Variants in C1QTNF1 observed in about 807,000 individuals in gnomAD.
C1QTNF1 encodes C1q and TNF related 1.
C1QTNF1 carries 22 observed loss-of-function variants against 27.8 expected under a neutral mutation model. The ratio of observed to expected loss-of-function variants is 0.79; its 90% CI spans 0.56 to 1.13. The LOEUF is 1.13. Among genes scored for constraint, C1QTNF1 ranks in the 50% most tolerant of loss-of-function variants. C1QTNF1 has a pLI of 0.00. For synonymous variants in C1QTNF1, 166 were observed against 154.3 expected (o/e 1.08, Z -0.56); for missense variants, 373 against 380.2 (o/e 0.98, Z 0.16).
Position 79,040,617 on chromosome 17 carries a change from G to A in C1QTNF1, c.-14-3338G>A, listed in dbSNP as rs1350755653. Among the ~76,000 whole-genome samples the A allele has an allele frequency of 2.5e-4, 38 of 151,446 alleles. 1 individual carries two copies. The highest frequency in any genetic ancestry group is 1.1e-3 in the Admixed American group (16 of 15,228). The stretch of plus-strand genomic sequence containing the variant: ...CCTGCTCAAAAATCAGTCTTGGCCC[G>A]GCGTGGAGGATCACGCCTGTAATCC... On this transcript the variant is annotated intron_variant, in intron 1 of 3. Transcript: ENST00000579760.
chr17:79,034,123 T>C (rs891841613), intron 1 of C1QTNF1: 1 of 152,230 alleles, frequency 6.6e-6, no homozygotes, highest in African/African-American at 2.4e-5. Flanking sequence ...TTGTGCTGCT[T>C]GTAAAGGGCT....
rs200330872 is a variant in C1QTNF1, at chr17:79,047,566, C to T, written c.324C>T (p.Gly108=). 1.3e-6 allele frequency: 2 copies of T among 1,530,894 alleles called. No homozygotes were observed. Among genetic ancestry groups the T allele is most frequent in the East Asian group, 2.3e-5 (1 of 44,192 alleles). The allele number at this position is 1,530,894 out of a possible 1,614,324, so 94.8% of individuals were successfully genotyped here. ...KGEKGDRGDR[G]LQGKYGKTGS... is the part of the protein sequence containing the mutation. Reference sequence around the variant, plus strand: ...AGAAGGGTGACCGCGGAGATCGAGGCCTCCAAGGGAAATATGGCAAAACAG... The same window carrying T: ...AGAAGGGTGACCGCGGAGATCGAGGTCTCCAAGGGAAATATGGCAAAACAG... The change falls in exon 4 of 4, where the codon GGC becomes GGT. Residue 108 remains glycine (G), a synonymous_variant. Coordinates refer to ENST00000579760, the MANE Select transcript of C1QTNF1 (RefSeq NM_030968.5).
At chr17:79,036,016 C>T (rs778971904) in intron 1 of C1QTNF1, among the ~76,000 whole-genome samples, 5 of 152,078 alleles carry the variant, frequency 3.3e-5, no homozygotes, top group Admixed American at 1.3e-4. Context: ...AGGGTCTAAA[C>T]GCCTCTCAGA....
chr17:79,023,232 G>C (rs1012949457), upstream of C1QTNF1: 1 of 152,260 alleles, frequency 6.6e-6, no homozygotes, highest in African/African-American at 2.4e-5. Context: ...GCAGCTCGGA[G>C]AGAACAGGGC....
chr17:79,039,797 GTATA>G (rs397856558), intron 1 of C1QTNF1, among the ~76,000 whole-genome samples: 1 of 149,172 alleles, frequency 6.7e-6, no homozygotes. Context: ...GTGTGTGTGT[GTATA>G]TATATATATA....
intron 1 of C1QTNF1, among the ~76,000 whole-genome samples, chr17:79,027,084 G>A (rs79536842): frequency 4.0e-5 from 6 of 151,686 alleles, no homozygotes; most frequent in Admixed American, 2.0e-4. Flanking sequence ...TCCTGGGCGG[G>A]GGGGGGCTGT....
Position 79,047,931 on chromosome 17 carries a change from T to G in C1QTNF1, c.689T>G (p.Ile230Ser). 6.2e-7 allele frequency: 1 copy of G among 1,613,972 alleles called. No individual in the cohort carries two copies. Residue 230 changes from isoleucine to serine, a missense_variant, in exon 4 of 4, where the codon ATC (isoleucine) becomes AGC (serine). By Grantham distance (142) the Ile-to-Ser change is moderately radical. Transcript: ENST00000579760. ...TTCGCGCAGGTGGGCGACCGCAGCA[T>G]CATGCAAAGCCAGAGCCTGATGCTG... ...ILFAQVGDRS[I>S]MQSQSLMLEL...
intron 1 of C1QTNF1, 135 bp from the exon 2 acceptor site, chr17:79,043,820 C>A (rs765455805): frequency 3.3e-6 from 3 of 911,442 alleles, no homozygotes; most frequent in African/African-American, 3.3e-5. Context: ...TGTGTAACTG[C>A]AGCATTTCCC....
chr17:79,043,286 A>C (rs1244310116), intron 1 of C1QTNF1: 4 of 450,502 alleles, frequency 8.9e-6, no homozygotes, highest in Non-Finnish European at 1.8e-5. Flanking sequence ...GAGAGTGTGC[A>C]TGTGATTTGG....
Position 79,046,633 on chromosome 17 carries a change from C to G in C1QTNF1, c.234C>G (p.Asp78Glu), listed in dbSNP as rs773030872. Residue 78 changes from aspartate (D) to glutamate (E), a missense_variant, in exon 3 of 4, where the codon GAC becomes GAG. Physicochemically the swap from Asp to Glu is conservative, Grantham distance 45 (BLOSUM62 2). Transcript: ENST00000579760. This position sits in a 1 kb window ranked among gnomAD's most constrained non-coding sequence, Gnocchi z 4.8. ...LPASRCLRCC[D>E]PGTSMYPATA... Reference sequence around the variant, plus strand: ...CTTCCCGGTGCTTGCGCTGCTGTGACCCCGGTACCTCCATGTACCCGGCGA... The same window carrying G: ...CTTCCCGGTGCTTGCGCTGCTGTGAGCCCGGTACCTCCATGTACCCGGCGA... The G allele has an allele frequency of 1.2e-6, 2 of 1,614,238 alleles. No individual in the cohort carries two copies. Among genetic ancestry groups the G allele is most frequent in the South Asian group, 2.2e-5 (2 of 91,086 alleles).
intron 1 of C1QTNF1, among the ~76,000 whole-genome samples, chr17:79,043,101 T>C (rs1470125603): frequency 6.6e-6 from 1 of 151,458 alleles, no homozygotes; most frequent in African/African-American, 2.4e-5. Flanking sequence ...TGTGTGCATG[T>C]GTGCATGGAT....
Position 79,047,689 on chromosome 17 carries a change from G to T in C1QTNF1, c.447G>T (p.Ser149=), listed in dbSNP as rs747658949. The change falls in exon 4 of 4, where the codon TCG becomes TCT. Residue 149 remains serine, a synonymous_variant. Transcript: ENST00000579760. ...ERCKSHYAAF[S]VGRKKPMHSN... The stretch of plus-strand genomic sequence containing the variant: ...GCAAGAGCCACTACGCCGCCTTTTC[G>T]GTGGGCCGGAAGAAGCCCATGCACA... 33 of 1,613,956 alleles carry T rather than the reference G, an allele frequency of 2.0e-5. No homozygotes were observed. Among genetic ancestry groups the T allele is most frequent in the Non-Finnish European group, 2.6e-5 (31 of 1,179,992 alleles).
At chr17:79,047,238 CTTT>C (rs372840829) in intron 3 of C1QTNF1, 433 of 276,522 alleles carry the variant, frequency 1.6e-3, no homozygotes, top group Middle Eastern at 3.9e-3. Context: ...TTTTTCTTTT[CTTT>C]TTTTTTTTTT....
chr17:79,041,543 C>T (rs1200072090), intron 1 of C1QTNF1, among the ~76,000 whole-genome samples: 2 of 152,102 alleles, frequency 1.3e-5, no homozygotes, highest in African/African-American at 4.8e-5. Flanking sequence ...CTCGGGAGGC[C>T]GAGGTGGGTG....
intron 1 of C1QTNF1, among the ~76,000 whole-genome samples, chr17:79,033,229 G>T (rs1243470486): frequency 6.6e-6 from 1 of 152,158 alleles, no homozygotes; most frequent in East Asian, 1.9e-4. Context: ...CTAGTCACGT[G>T]AGCACTTAAA....
intron 1 of C1QTNF1, among the ~76,000 whole-genome samples, chr17:79,031,724 G>A (rs568392463): frequency 1.6e-4 from 24 of 152,354 alleles, no homozygotes; most frequent in South Asian, 1.0e-3. Flanking sequence ...GATTACAGGC[G>A]TGAGCCACTG....
chr17:79,029,477 A>G (rs189169761), intron 1 of C1QTNF1, among the ~76,000 whole-genome samples: 19 of 152,322 alleles, frequency 1.2e-4, no homozygotes, highest in Admixed American at 1.2e-3. Flanking sequence ...TCTAAGGATC[A>G]AGCTCAGTGG....
At chr17:79,045,871 G>A (rs895628418) in intron 2 of C1QTNF1, among the ~76,000 whole-genome samples, 1 of 152,142 alleles carries the variant, frequency 6.6e-6, no homozygotes, top group Non-Finnish European at 1.5e-5. Context: ...TGAACTTAGG[G>A]CACAGAGATC....
chr17:79,025,409 T>C (rs1236397752), intron 1 of C1QTNF1, among the ~76,000 whole-genome samples: 1 of 152,150 alleles, frequency 6.6e-6, no homozygotes, highest in Non-Finnish European at 1.5e-5. Context: ...CGCCCCCCTC[T>C]GTGAGGTGTT....
Sources: allele counts gnomAD v4.1 joint callset (sites outside exome capture counted in the v4.1 genomes callset), GRCh38; gene constraint gnomAD v4.1.1; non-coding constraint Gnocchi (gnomAD v3.1); transcripts MANE v1.5; gene names NCBI Gene and HGNC (gene_info 2026-07-23, HGNC 2026-07-21).